Variants in ERBB4 observed in about 807,000 individuals in gnomAD.
ERBB4 encodes the protein receptor tyrosine-protein kinase erbB-4.
Under a neutral mutation model 158.0 loss-of-function variants are expected in ERBB4, and 42 were observed. The observed-to-expected ratio is 0.27, with a 90% CI of 0.21 to 0.34. ERBB4 has a LOEUF of 0.34. ERBB4 is among the 10% of genes least tolerant of loss of function. The pLI, the probability that ERBB4 is intolerant of heterozygous loss-of-function variation, is 1.00. For synonymous variants in ERBB4, 583 were observed against 558.7 expected, an observed-to-expected ratio of 1.04 and a Z score of -0.61; for missense variants, 1,333 against 1,624.1, an observed-to-expected ratio of 0.82 and a Z score of 3.08.
chr2:212,156,579 G>GA (rs1409927191), intron 1 of ERBB4, among the ~76,000 whole-genome samples: 5 of 152,100 alleles, frequency 3.3e-5, no homozygotes, highest in Non-Finnish European at 7.4e-5. Context: ...ATAAGACAAG[G>GA]AAAAATCACT....
At chr2:212,119,787 A>T (rs952563655) in intron 2 of ERBB4, among the ~76,000 whole-genome samples, 2 of 152,194 alleles carry the variant, frequency 1.3e-5, no homozygotes, top group Non-Finnish European at 2.9e-5. Context: ...AAGCATCAAG[A>T]TTGCTGTAAT....
At chr2:212,306,902 G>T (rs1462727012) in intron 1 of ERBB4, among the ~76,000 whole-genome samples, 13 of 151,310 alleles carry the variant, frequency 8.6e-5, no homozygotes, top group Admixed American at 5.9e-4. Context: ...GTTAATATAA[G>T]ATTTAATTGT....
intron 1 of ERBB4, among the ~76,000 whole-genome samples, chr2:212,211,372 C>T (rs73987288): frequency 0.035 from 5,383 of 152,178 alleles, 288 homozygotes; most frequent in African/African-American, 0.12. Flanking sequence ...TACATAGCAC[C>T]TGTGCTGCAA....
chr2:212,323,689 TC>T (rs1244502025), intron 1 of ERBB4, among the ~76,000 whole-genome samples: 1 of 150,700 alleles, frequency 6.6e-6, no homozygotes, highest in African/African-American at 2.4e-5. Flanking sequence ...TAAAAGTGCT[TC>T]AAGAGATTAT....
intron 2 of ERBB4, among the ~76,000 whole-genome samples, chr2:212,020,204 G>A (rs896883593): frequency 1.1e-4 from 16 of 151,992 alleles, no homozygotes; most frequent in African/African-American, 3.6e-4. Context: ...TTTACTAGGA[G>A]TAAGATTTCT....
chr2:212,115,155 T>A (rs751419125), intron 2 of ERBB4, among the ~76,000 whole-genome samples: 5 of 152,144 alleles, frequency 3.3e-5, no homozygotes, highest in Non-Finnish European at 2.9e-5. Context: ...ATATTATTTT[T>A]ATAATAAATG....
chr2:211,660,595 T>C (rs1027352227), intron 15 of ERBB4, among the ~76,000 whole-genome samples: 1 of 152,208 alleles, frequency 6.6e-6, no homozygotes, highest in Non-Finnish European at 1.5e-5. Flanking sequence ...ATGGCTGTCC[T>C]ACATCTAGGT....
At chr2:212,054,156 G>T (rs1319183012) in intron 2 of ERBB4, among the ~76,000 whole-genome samples, 1 of 152,138 alleles carries the variant, frequency 6.6e-6, no homozygotes, top group African/African-American at 2.4e-5. Context: ...GCTATGTGGA[G>T]TATATGTGCT....
intron 2 of ERBB4, among the ~76,000 whole-genome samples, chr2:212,049,611 A>C (rs1292736500): frequency 6.6e-6 from 1 of 152,196 alleles, no homozygotes; most frequent in Non-Finnish European, 1.5e-5. Flanking sequence ...AGTCATCAGA[A>C]AAAAATGACA....
intron 19 of ERBB4, among the ~76,000 whole-genome samples, chr2:211,600,213 T>G (rs1341974091): frequency 1.3e-5 from 2 of 152,190 alleles, no homozygotes; most frequent in East Asian, 3.8e-4. Context: ...TCAATTTCAT[T>G]TCCTTATGAT....
At chr2:211,679,910 C>T (rs771134305) in intron 12 of ERBB4, among the ~76,000 whole-genome samples, 2 of 152,132 alleles carry the variant, frequency 1.3e-5, no homozygotes, top group Admixed American at 6.5e-5. Context: ...AAACTCCTGA[C>T]CTCAAGTGAT....
intron 3 of ERBB4, among the ~76,000 whole-genome samples, chr2:211,916,511 T>C (rs2125067198): frequency 6.6e-6 from 1 of 152,250 alleles, no homozygotes; most frequent in East Asian, 1.9e-4. Flanking sequence ...ATACTTCATA[T>C]TTACCTATAA....
chr2:212,265,015 G>A (rs1275403174), intron 1 of ERBB4, among the ~76,000 whole-genome samples: 2 of 152,064 alleles, frequency 1.3e-5, no homozygotes, highest in Non-Finnish European at 2.9e-5. Flanking sequence ...AATCCCCTAT[G>A]TGGAGAGGGG....
intron 1 of ERBB4, among the ~76,000 whole-genome samples, chr2:212,500,699 C>T (rs991393807): frequency 1.3e-5 from 2 of 151,894 alleles, no homozygotes; most frequent in Non-Finnish European, 2.9e-5. Context: ...AACATTGAAC[C>T]AAGAAGATAG....
At chr2:211,716,546 G>T (rs1411032809) in intron 7 of ERBB4, among the ~76,000 whole-genome samples, 6 of 147,916 alleles carry the variant, frequency 4.1e-5, no homozygotes, top group Non-Finnish European at 6.0e-5. Flanking sequence ...CCTGGTGGCG[G>T]GCGCCTGTAG....
chr2:212,331,385 G>C (rs1574701174), intron 1 of ERBB4, among the ~76,000 whole-genome samples: 1 of 151,678 alleles, frequency 6.6e-6, no homozygotes, highest in East Asian at 2.0e-4. Flanking sequence ...GCAATGTTCT[G>C]TGTTGGGGGA....
In ERBB4 at chr2:211,493,111, C is replaced by T. The variant is rs140689975; in HGVS notation, c.2488-62011G>A. Among the ~76,000 whole-genome samples the T allele has an allele frequency of 9.7e-4, 147 of 152,222 alleles. 1 individual carries two copies. The highest frequency in any genetic ancestry group is 3.2e-3 in the African/African-American group (135 of 41,574). On this transcript the variant is annotated intron_variant, in intron 20 of 27. Coordinates refer to ENST00000342788, the MANE Select transcript of ERBB4 (RefSeq NM_005235.3). Reference sequence around the variant, plus strand: ...ATGGATAATGAATGCCAAACTATTACGTAATTTGAGAGATTATCAACCAGC... The same window carrying T: ...ATGGATAATGAATGCCAAACTATTATGTAATTTGAGAGATTATCAACCAGC...
intron 19 of ERBB4, among the ~76,000 whole-genome samples, chr2:211,598,771 A>G (rs1397824443): frequency 1.3e-5 from 2 of 152,190 alleles, no homozygotes; most frequent in Admixed American, 6.5e-5. Flanking sequence ...TTGGACATAT[A>G]TACATGTACA....
At position 212,130,004 on chromosome 2, in the gene ERBB4, A is replaced by C. The variant is rs183519972; in HGVS notation, c.83-5101T>G. Among the ~76,000 whole-genome samples, 10 of 152,192 alleles carry C rather than the reference A, an allele frequency of 6.6e-5. No homozygotes were observed. In the East Asian group the frequency reaches 1.9e-3, roughly 29 times the overall value. The stretch of plus-strand genomic sequence containing the variant: ...TTGTAGTTGTTTTTGTGGAGCCTCC[A>C]CTGAGTAACTCACAACTTTCATTTG... On this transcript the variant is annotated intron_variant, in intron 1 of 27. Transcript: ENST00000342788.
Sources: allele counts gnomAD v4.1 joint callset (sites outside exome capture counted in the v4.1 genomes callset), GRCh38; gene constraint gnomAD v4.1.1; transcripts MANE v1.5; gene names NCBI Gene and HGNC (gene_info 2026-07-23, HGNC 2026-07-21).